Variants in CHAF1A observed in about 807,000 individuals in gnomAD.
CHAF1A encodes the protein chromatin assembly factor 1 subunit A.
CHAF1A carries 5 observed loss-of-function variants against 93.2 expected under a neutral mutation model. That is an observed-to-expected ratio of 0.05 (90% confidence interval 0.03 to 0.11). The LOEUF is 0.11. CHAF1A is among the 10% of genes least tolerant of loss of function. CHAF1A has a pLI of 1.00. For missense variants in CHAF1A, 1,102 were observed against 1,259.9 expected (o/e 0.87, Z 1.90); for synonymous variants, 504 against 510.3 (o/e 0.99, Z 0.17).
chr19:4,407,685 C>G (rs989287313), intron 2 of CHAF1A, among the ~76,000 whole-genome samples: 1 of 152,172 alleles, frequency 6.6e-6, no homozygotes, highest in Non-Finnish European at 1.5e-5. Context: ...TGGTGACTCA[C>G]ATCTGTAGTC....
chr19:4,424,578 C>G lies in CHAF1A; in HGVS notation c.1377+704C>G, dbSNP rs147741003. Among the ~76,000 whole-genome samples, 105 of 152,266 alleles carry G rather than the reference C, an allele frequency of 6.9e-4. 1 individual carries two copies. Among genetic ancestry groups the G allele is most frequent in the African/African-American group, 2.2e-3 (93 of 41,524 alleles). On this transcript the variant is annotated intron_variant, in intron 7 of 14. Coordinates refer to ENST00000301280, the MANE Select transcript of CHAF1A (RefSeq NM_005483.3). Reference sequence around the variant, plus strand: ...TCTCAGGGTCTGGTGATCCTGTCACCTCAGCCTTCCCGAGTAGCTGGGACT... The same window carrying G: ...TCTCAGGGTCTGGTGATCCTGTCACGTCAGCCTTCCCGAGTAGCTGGGACT...
At position 4,409,289 on chromosome 19, in the gene CHAF1A, A is replaced by G. The variant is rs767002305; in HGVS notation, c.490A>G (p.Ile164Val). 3 of 1,614,174 alleles carry G rather than the reference A, an allele frequency of 1.9e-6. No homozygotes were observed. The highest frequency in any genetic ancestry group is 2.2e-5 in the East Asian group (1 of 44,884). The part of the protein sequence containing the change: ...TGDQQGLLKA[I>V]QNDKLAFPGE... ...GGATCAGCAGGGGTTGTTGAAGGCC[A>G]TTCAGAACGACAAGTTGGCATTTCC... Residue 164 changes from isoleucine (I) to valine (V), a missense_variant, in exon 3 of 15, where the codon ATT becomes GTT. Ile to Val is a conservative substitution (Grantham distance 29). Coordinates refer to ENST00000301280, the MANE Select transcript of CHAF1A (RefSeq NM_005483.3).
At chr19:4,403,938 G>A (rs1269172306) in intron 1 of CHAF1A, among the ~76,000 whole-genome samples, 2 of 152,190 alleles carry the variant, frequency 1.3e-5, no homozygotes, top group Non-Finnish European at 1.5e-5. Context: ...TTCTGCCTCA[G>A]CCTCCCAAGT....
At chr19:4,424,160 C>T (rs531218459) in intron 7 of CHAF1A, among the ~76,000 whole-genome samples, 1 of 152,082 alleles carries the variant, frequency 6.6e-6, no homozygotes, top group Non-Finnish European at 1.5e-5. Context: ...ATGTTTTTAC[C>T]CTTGGGAAAC....
chr19:4,408,383 G>A (rs532895062), intron 2 of CHAF1A, among the ~76,000 whole-genome samples: 2 of 149,612 alleles, frequency 1.3e-5, no homozygotes, highest in Admixed American at 6.7e-5. Flanking sequence ...TAGTAGAGAC[G>A]GGGTTTCACC....
chr19:4,410,308 C>T (rs781497414), intron 3 of CHAF1A, among the ~76,000 whole-genome samples: 35 of 151,564 alleles, frequency 2.3e-4, no homozygotes, highest in Non-Finnish European at 3.7e-4. Context: ...TTTGAGAGGC[C>T]GAGGTGGGAG....
intron 9 of CHAF1A, 24 bp downstream of exon 9, chr19:4,429,630 C>T (rs368462564): frequency 2.2e-5 from 36 of 1,613,962 alleles, no homozygotes; most frequent in Non-Finnish European, 2.5e-5. Flanking sequence ...AGAGTGCCTC[C>T]GTCCCCGTAC....
chr19:4,427,744 T>G (rs924699686), intron 7 of CHAF1A, among the ~76,000 whole-genome samples: 8 of 152,328 alleles, frequency 5.3e-5, no homozygotes, highest in Non-Finnish European at 1.2e-4. Flanking sequence ...CATGCCACCG[T>G]GCCCGGCTAA....
intron 3 of CHAF1A, among the ~76,000 whole-genome samples, chr19:4,413,247 T>G (rs1355990928): frequency 1.3e-5 from 2 of 152,220 alleles, no homozygotes; most frequent in East Asian, 3.9e-4. Flanking sequence ...AATTTTTGTA[T>G]TTTTAGTGGA....
At chr19:4,418,820 T>TG (rs1178112472) in intron 4 of CHAF1A, among the ~76,000 whole-genome samples, 3 of 152,162 alleles carry the variant, frequency 2.0e-5, no homozygotes, top group South Asian at 4.1e-4. Flanking sequence ...TCCTATTCTG[T>TG]GGGGGGCATC....
intron 7 of CHAF1A, among the ~76,000 whole-genome samples, chr19:4,426,662 C>A (rs1239622376): frequency 6.6e-6 from 1 of 151,558 alleles, no homozygotes; most frequent in African/African-American, 2.4e-5. Context: ...TTAGTAGAGA[C>A]GGGGTTTTTC....
downstream of CHAF1A, chr19:4,447,411 C>A (rs768690108): frequency 1.1e-6 from 1 of 884,402 alleles, no homozygotes. Flanking sequence ...TTCTACTGGC[C>A]GAACCCTTCA....
Position 4,432,206 on chromosome 19 carries a change from G to T in CHAF1A, c.2202G>T (p.Gln734His). The stretch of plus-strand genomic sequence containing the variant: ...CCAAGCGGGAGAGGAGAGACGAGCA[G>T]AGTGAGTGTGGGCGGGGCCAGGCCA... ...KASKRERRDEQILAQLLPLLH... is the reference protein window; with the variant it reads ...KASKRERRDEHILAQLLPLLH... Residue 734 changes from glutamine to histidine, a missense_variant and splice_region_variant, in exon 12 of 15, where the codon CAG (glutamine) becomes CAT (histidine). Gln to His is a conservative substitution (Grantham distance 24). Around this residue, in one of 6 missense-constraint regions of CHAF1A, gnomAD observed 335 missense variants for 361.9 expected, o/e 0.93. Coordinates refer to ENST00000301280, the MANE Select transcript of CHAF1A (RefSeq NM_005483.3). 1 of 1,600,378 alleles carries T rather than the reference G, an allele frequency of 6.2e-7. No individual in the cohort carries two copies. Among genetic ancestry groups the T allele is most frequent in the Non-Finnish European group, 8.5e-7 (1 of 1,171,858 alleles).
rs760965167 is a variant in CHAF1A at position 4,443,177 on chromosome 19, C to CA, written c.*152_*153insA. On this transcript the variant is annotated 3_prime_UTR_variant, in exon 15 of 15. Transcript: ENST00000301280. ...TCTATATAGGATGCTGGATTAGTTC[C>CA]TTTGATATTTGTAAAAATTCCCCCA... is the stretch of plus-strand genomic sequence containing the variant. 144 of 664,892 alleles carry CA rather than the reference C, an allele frequency of 2.2e-4. No individual in the cohort carries two copies. The African/African-American group carries it at 2.4e-3, about 11-fold the overall frequency. The allele number at this position is 664,892 out of a possible 1,614,324, so 41.2% of individuals were successfully genotyped here.
chr19:4,429,933 G>A (rs751826737), intron 10 of CHAF1A, 145 bp downstream of exon 10: 6 of 680,018 alleles, frequency 8.8e-6, no homozygotes, highest in Non-Finnish European at 1.5e-5. Flanking sequence ...AAACCTGAAC[G>A]CACCTCAACA....
rs115461571 is a variant in CHAF1A, at chr19:4,433,154, G to A, written c.2288G>A (p.Arg763Gln). 1,974 of 1,613,356 alleles carry A rather than the reference G, an allele frequency of 1.2e-3. 7 individuals are homozygous for A. The highest frequency in any genetic ancestry group is 2.9e-3 in the African/African-American group (217 of 75,036). ...CGGGAGTTCCAGGAGCACTGCCGCC[G>A]GGGACTGCTCAGCAACCACACCGGC... ...IIREFQEHCR[R>Q]GLLSNHTGSP... is the part of the protein sequence containing the mutation. Residue 763 changes from arginine (R) to glutamine (Q), a missense_variant, in exon 13 of 15, where the codon CGG (arginine) becomes CAG (glutamine). Arg to Gln is a conservative substitution (Grantham distance 43). This residue lies in a region of CHAF1A where 335 missense variants were observed against 361.9 expected (regional missense o/e 0.93). Coordinates refer to ENST00000301280, the MANE Select transcript of CHAF1A (RefSeq NM_005483.3). This position sits in a 1 kb window ranked among gnomAD's most constrained non-coding sequence, Gnocchi z 5.6.
rs1974233344 is a variant in CHAF1A at position 4,433,742 on chromosome 19, C to G, written c.2673+203C>G. ...TTAGCCTCCTGAGTAGCTGGGATTACAGGTGTACGCCACCATGCCTGGCTA... is the reference window on the plus strand; with the variant it reads ...TTAGCCTCCTGAGTAGCTGGGATTAGAGGTGTACGCCACCATGCCTGGCTA... On this transcript the variant is annotated intron_variant, in intron 13 of 14. Transcript: ENST00000301280. The surrounding 1 kb of genome is among the most constrained non-coding windows in gnomAD (Gnocchi z 5.6). Among the ~76,000 whole-genome samples the G allele has an allele frequency of 6.6e-6, 1 of 151,974 alleles. No individual in the cohort carries two copies. The highest frequency in any genetic ancestry group is 2.4e-5 in the African/African-American group (1 of 41,404).
chr19:4,448,505 G>A (rs1006033416), downstream of CHAF1A: 6 of 1,096,062 alleles, frequency 5.5e-6, no homozygotes, highest in Non-Finnish European at 6.7e-6. Flanking sequence ...GGAAAAGGAA[G>A]GCAGAACAGC....
In CHAF1A at chr19:4,443,060, T is replaced by C. The variant is rs1374909260; in HGVS notation, c.*35T>C. 2 of 1,331,958 alleles carry C rather than the reference T, an allele frequency of 1.5e-6. No homozygotes were observed. Among genetic ancestry groups the C allele is most frequent in the East Asian group, 4.9e-5 (2 of 40,606 alleles). The allele number at this position is 1,331,958 out of a possible 1,614,324, so 82.5% of individuals were successfully genotyped here. Reference sequence around the variant, plus strand: ...TGACGTATGTAGAATGCTTAGGGTGTCCTCCCCACAGAGCAGATACTTGAA... The same window carrying C: ...TGACGTATGTAGAATGCTTAGGGTGCCCTCCCCACAGAGCAGATACTTGAA... On this transcript the variant is annotated 3_prime_UTR_variant, in exon 15 of 15. Transcript: ENST00000301280.
Sources: gnomAD v4.1 joint callset for allele counts (sites outside exome capture counted in the v4.1 genomes callset) on GRCh38, gnomAD v4.1.1 for gene constraint, gnomAD v4.1.1 regional missense constraint, Gnocchi (gnomAD v3.1) non-coding constraint, MANE v1.5 for transcripts, NCBI Gene and HGNC (gene_info 2026-07-23, HGNC 2026-07-21) for gene names.